TRIM5: variants seen among roughly 807,000 people sequenced by gnomAD.
TRIM5 encodes tripartite motif-containing protein 5.
A neutral mutation model predicts 35.6 loss-of-function variants in TRIM5; 31 were observed. The ratio of observed to expected loss-of-function variants is 0.87; its 90% confidence interval spans 0.65 to 1.18. TRIM5 has a LOEUF of 1.18. TRIM5 is among the 50% of genes most tolerant of loss of function. TRIM5 has a pLI of 0.00. For synonymous variants in TRIM5, 243 were observed against 215.6 expected, an observed-to-expected ratio of 1.13 and a Z score of -1.11; for missense variants, 609 against 591.6, an observed-to-expected ratio of 1.03 and a Z score of -0.31.
chr11:5,613,308 C>T, the TRIM5 span, among the ~76,000 whole-genome samples: 1 of 152,244 alleles, frequency 6.6e-6, no homozygotes, highest in Admixed American at 6.5e-5. Context: ...CGTTAGTCCT[C>T]AGTCTGTTGG....
At chr11:5,682,086 C>A (rs752472056) in intron 1 of TRIM5, among the ~76,000 whole-genome samples, 1 of 151,968 alleles carries the variant, frequency 6.6e-6, no homozygotes, top group Non-Finnish European at 1.5e-5. Context: ...CGTGAGCCAC[C>A]GTGCCCGGCT....
At chr11:5,623,536 T>A in the TRIM5 span, among the ~76,000 whole-genome samples, 1 of 126,058 alleles carries the variant, frequency 7.9e-6, no homozygotes, top group Non-Finnish European at 1.7e-5. Flanking sequence ...CCCGGCTAAT[T>A]TTTTTTTTTT....
the TRIM5 span, among the ~76,000 whole-genome samples, chr11:5,640,113 GT>G: frequency 2.6e-5 from 4 of 152,084 alleles, no homozygotes; most frequent in African/African-American, 9.7e-5. Context: ...CCTTTTATTT[GT>G]TTTCTGTGAC....
the TRIM5 span, among the ~76,000 whole-genome samples, chr11:5,622,968 C>T: frequency 6.6e-6 from 1 of 152,218 alleles, no homozygotes; most frequent in Non-Finnish European, 1.5e-5. Flanking sequence ...GGCGGGACAG[C>T]TGAGTCCGGA....
the TRIM5 span, among the ~76,000 whole-genome samples, chr11:5,655,302 G>C: frequency 6.6e-6 from 1 of 151,590 alleles, no homozygotes; most frequent in African/African-American, 2.4e-5. Context: ...GATAAATAAA[G>C]AAAAAGACTT....
chr11:5,601,629 T>A, the TRIM5 span, among the ~76,000 whole-genome samples: 1 of 151,934 alleles, frequency 6.6e-6, no homozygotes, highest in Admixed American at 6.6e-5. Context: ...ATGGTGGCGC[T>A]CACCTGTAAT....
the TRIM5 span, chr11:5,634,942 TA>T: frequency 6.8e-7 from 1 of 1,478,982 alleles, no homozygotes; most frequent in South Asian, 1.3e-5. Flanking sequence ...GTGGTGACAC[TA>T]AGGGGTTTCT....
chr11:5,600,868 AAC>A, the TRIM5 span, among the ~76,000 whole-genome samples: 1 of 152,114 alleles, frequency 6.6e-6, no homozygotes, highest in Non-Finnish European at 1.5e-5. Flanking sequence ...TGGTGGCCCA[AAC>A]ACAACTCCAG....
At chr11:5,598,581 G>C in the TRIM5 span, among the ~76,000 whole-genome samples, 2,652 of 152,248 alleles carry the variant, frequency 0.017, 27 homozygotes, top group Non-Finnish European at 0.028. Context: ...ATTAGGACAT[G>C]TGATCAACAT....
chr11:5,596,918 T>A, the TRIM5 span: 15 of 1,614,000 alleles, frequency 9.3e-6, no homozygotes, highest in Admixed American at 2.2e-4. Flanking sequence ...CAGAGAGGTA[T>A]GTCTACCGTT....
chr11:5,665,282 G>A lies in TRIM5; in HGVS notation c.1009C>T (p.Gln337Ter). ...IIYGARGTRY[Q>*]TFVNFNYCTG... ...CAATAATTGAAATTCACAAATGTCT[G>A]GTATCTTGTCCCTCGTGCCCCATAT... The change falls in exon 8 of 8, where the codon CAG (glutamine) becomes TAG (stop). Residue 337 changes from glutamine to a stop codon, truncating the protein, a stop_gained. Coordinates refer to ENST00000380034, the MANE Select transcript of TRIM5 (RefSeq NM_033034.3). LOFTEE classifies it low-confidence loss of function (END_TRUNC). The A allele has an allele frequency of 6.2e-7, 1 of 1,614,134 alleles. No homozygotes were observed. The highest frequency in any genetic ancestry group is 8.5e-7 in the Non-Finnish European group (1 of 1,180,036).
the TRIM5 span, among the ~76,000 whole-genome samples, chr11:5,616,231 G>A: frequency 3.3e-5 from 4 of 122,028 alleles, 1 homozygote; most frequent in African/African-American, 8.7e-5. Flanking sequence ...GATTACAGGC[G>A]TGAGCCACCG....
At chr11:5,639,213 T>C in the TRIM5 span, among the ~76,000 whole-genome samples, 1 of 152,188 alleles carries the variant, frequency 6.6e-6, no homozygotes, top group Non-Finnish European at 1.5e-5. Flanking sequence ...TCCAGTTCTT[T>C]AATGTTTAAC....
chr11:5,658,084 G>A, the TRIM5 span, among the ~76,000 whole-genome samples: 9 of 152,126 alleles, frequency 5.9e-5, no homozygotes, highest in East Asian at 1.9e-4. Flanking sequence ...AGGAATTTCC[G>A]TTTTTGTGCC....
the TRIM5 span, chr11:5,611,324 G>T: frequency 1.2e-6 from 2 of 1,613,466 alleles, no homozygotes; most frequent in Non-Finnish European, 1.7e-6. Flanking sequence ...CTATGACCCT[G>T]CGTCGTCCAA....
At chr11:5,657,608 T>TTA in the TRIM5 span, among the ~76,000 whole-genome samples, 24 of 102,648 alleles carry the variant, frequency 2.3e-4, no homozygotes, top group African/African-American at 8.8e-4. Context: ...TAATATATAT[T>TTA]TATATATTAT....
At chr11:5,645,261 G>A in the TRIM5 span, among the ~76,000 whole-genome samples, 5 of 151,934 alleles carry the variant, frequency 3.3e-5, no homozygotes, top group Admixed American at 6.6e-5. Flanking sequence ...ATGTGGTGGC[G>A]AGCCCCTGTA....
At chr11:5,642,613 G>T in the TRIM5 span, 1 of 1,393,990 alleles carries the variant, frequency 7.2e-7, no homozygotes, top group African/African-American at 1.5e-5. Flanking sequence ...GAGGAGGGAG[G>T]TCAGAGAATA....
the TRIM5 span, among the ~76,000 whole-genome samples, chr11:5,625,403 A>C: frequency 2.6e-5 from 4 of 152,140 alleles, no homozygotes; most frequent in East Asian, 7.7e-4. Flanking sequence ...TCTCTCTCAA[A>C]GAGATGAACA....
Sources: gnomAD v4.1 joint callset for allele counts (sites outside exome capture counted in the v4.1 genomes callset) on GRCh38, gnomAD v4.1.1 for gene constraint, MANE v1.5 for transcripts, NCBI Gene and HGNC (gene_info 2026-07-23, HGNC 2026-07-21) for gene names.